The following PHC2 variants were observed in gnomAD, a reference collection of about 807,000 sequenced individuals.
The protein encoded by PHC2 is polyhomeotic-like protein 2.
PHC2 carries 29 observed loss-of-function variants against 87.4 expected under a neutral mutation model. The observed-to-expected ratio is 0.33, with a 90% CI of 0.25 to 0.45. The LOEUF (loss-of-function observed/expected upper bound fraction) is 0.45, where lower values mean the gene tolerates loss of function less well. Ranked by LOEUF, PHC2 falls within the 20% of genes least tolerant of loss-of-function variation. The pLI is 1.00. For missense variants in PHC2, 857 were observed against 1,136.7 expected, an observed-to-expected ratio of 0.75 and a Z score of 3.54; for synonymous variants, 438 against 461.7, an observed-to-expected ratio of 0.95 and a Z score of 0.66.
At chr1:33,351,780 T>G (rs1419576842) in intron 9 of PHC2, among the ~76,000 whole-genome samples, 2 of 151,886 alleles carry the variant, frequency 1.3e-5, no homozygotes, top group East Asian at 3.9e-4. Flanking sequence ...GGCGAAACCC[T>G]GTCTCTACTA....
intron 9 of PHC2, chr1:33,347,844 G>A (rs1464904360): frequency 5.7e-6 from 3 of 530,240 alleles, no homozygotes; most frequent in African/African-American, 2.1e-5. Context: ...AAACAAGCCC[G>A]CCCTTGTGAG....
intron 9 of PHC2, among the ~76,000 whole-genome samples, chr1:33,351,951 CAA>C (rs10718909): frequency 1.7e-3 from 151 of 87,422 alleles, no homozygotes; most frequent in Middle Eastern, 6.3e-3. Context: ...GAATGCATCT[CAA>C]AAAAAAAAAA....
intron 1 of PHC2, among the ~76,000 whole-genome samples, chr1:33,404,635 G>A (rs1649678488): frequency 6.6e-6 from 1 of 152,102 alleles, no homozygotes; most frequent in South Asian, 2.1e-4. Context: ...CTCTGTGACT[G>A]AATCAGAAGA....
chr1:33,362,334 C>T (rs181016760), intron 7 of PHC2, among the ~76,000 whole-genome samples: 2 of 152,246 alleles, frequency 1.3e-5, no homozygotes, highest in East Asian at 1.9e-4. Context: ...AGGAGGACCT[C>T]GCAATTGTGG....
At position 33,368,547 on chromosome 1, in the gene PHC2, T is replaced by TG; in HGVS notation, c.651dup (p.Thr218HisfsTer42). The stretch of plus-strand genomic sequence containing the variant: ...CATGGAGTCCTCACCTGGGCGGGGG[T>TG]GGGGGGCCGGGCGGGGGAGCCAGTG... On this transcript the variant is annotated frameshift_variant, in exon 6 of 15. Coordinates refer to ENST00000683057, the MANE Select transcript of PHC2 (RefSeq NM_001385109.1). LOFTEE classifies it high-confidence loss of function. The surrounding 1 kb of genome is among the most constrained non-coding windows in gnomAD (Gnocchi z 6.6). 5 of 1,509,450 alleles carry TG rather than the reference T, an allele frequency of 3.3e-6. No homozygotes were observed. The highest frequency in any genetic ancestry group is 4.5e-6 in the Non-Finnish European group (5 of 1,115,832). The allele number at this position is 1,509,450 out of a possible 1,614,324, so 93.5% of individuals were successfully genotyped here.
chr1:33,430,627 T>C (rs1233904319), intron 1 of PHC2, among the ~76,000 whole-genome samples: 3 of 151,920 alleles, frequency 2.0e-5, no homozygotes, highest in African/African-American at 7.2e-5. Flanking sequence ...CCTTGGCCCG[T>C]TCCCGTTCCG....
chr1:33,351,779 C>A (rs549584583), intron 9 of PHC2, among the ~76,000 whole-genome samples: 1 of 152,084 alleles, frequency 6.6e-6, no homozygotes, highest in African/African-American at 2.4e-5. Context: ...TGGCGAAACC[C>A]TGTCTCTACT....
chr1:33,405,448 C>G (rs964457324), intron 1 of PHC2, among the ~76,000 whole-genome samples: 3 of 152,144 alleles, frequency 2.0e-5, no homozygotes, highest in African/African-American at 7.2e-5. Context: ...ACCTCAGCTT[C>G]CCAAAGCGCT....
intron 1 of PHC2, among the ~76,000 whole-genome samples, chr1:33,386,844 CAT>C (rs1053176613): frequency 1.3e-5 from 2 of 152,184 alleles, no homozygotes; most frequent in Admixed American, 6.5e-5. Context: ...ACACACAGCA[CAT>C]ACACAAAGTG....
chr1:33,378,648 T>C (rs1291341914), intron 1 of PHC2, among the ~76,000 whole-genome samples: 1 of 152,170 alleles, frequency 6.6e-6, no homozygotes, highest in African/African-American at 2.4e-5. Flanking sequence ...ACACTTAAAA[T>C]CTAGTCATAT....
intron 1 of PHC2, among the ~76,000 whole-genome samples, chr1:33,403,112 C>T (rs978138643): frequency 2.8e-5 from 4 of 144,968 alleles, no homozygotes; most frequent in Non-Finnish European, 4.5e-5. Context: ...TGAGCCACTG[C>T]GCCCGGCCCA....
At chr1:33,353,082 G>C (rs1445204470) in intron 9 of PHC2, 1 of 152,210 alleles carries the variant, frequency 6.6e-6, no homozygotes, top group African/African-American at 2.4e-5. Context: ...GAATTAATGT[G>C]CTCAATTTTG....
Position 33,324,824 on chromosome 1 carries a change from G to T in PHC2, c.*41C>A. 6.3e-7 allele frequency: 1 copy of T among 1,586,506 alleles called. No homozygotes were observed. ...ATGTCTGTCTGGCTCTGCTCAGTCG[G>T]GAGGAGGCGCCCTGGGCCAGAATCC... On this transcript the variant is annotated 3_prime_UTR_variant, in exon 15 of 15. Coordinates refer to ENST00000683057, the MANE Select transcript of PHC2 (RefSeq NM_001385109.1).
chr1:33,383,403 A>G (rs954168217), intron 1 of PHC2, among the ~76,000 whole-genome samples: 7 of 152,260 alleles, frequency 4.6e-5, no homozygotes, highest in African/African-American at 1.7e-4. Flanking sequence ...AGCTGGTCAT[A>G]TAGTCCTAGC....
At chr1:33,408,048 G>GTTTTTTTTA (rs1649833954) in intron 1 of PHC2, among the ~76,000 whole-genome samples, 3 of 152,090 alleles carry the variant, frequency 2.0e-5, no homozygotes, top group African/African-American at 7.2e-5. Flanking sequence ...CTAGATTTTG[G>GTTTTTTTTA]CCCAAGCCTA....
intron 1 of PHC2, among the ~76,000 whole-genome samples, chr1:33,416,157 C>A (rs1028483768): frequency 1.2e-4 from 18 of 152,096 alleles, no homozygotes; most frequent in African/African-American, 4.3e-4. Context: ...TAAATCCAAG[C>A]ATAATATACA....
chr1:33,365,431 G>A (rs746586905), intron 7 of PHC2, among the ~76,000 whole-genome samples: 7 of 152,232 alleles, frequency 4.6e-5, no homozygotes, highest in Middle Eastern at 3.4e-3. Flanking sequence ...GTTACATTTC[G>A]GCCTGGGCTG....
chr1:33,417,681 T>TG (rs757907844), intron 1 of PHC2, among the ~76,000 whole-genome samples: 4 of 152,088 alleles, frequency 2.6e-5, no homozygotes, highest in Non-Finnish European at 5.9e-5. Flanking sequence ...CCATTATAGT[T>TG]GGAGACTTCA....
Position 33,367,112 on chromosome 1 carries a change from T to G in PHC2, c.976+4A>C, listed in dbSNP as rs778145371. On this transcript the variant is annotated splice_donor_region_variant and intron_variant, in intron 7 of 14. Transcript: ENST00000683057. Reference sequence around the variant, plus strand: ...AAAGGATTCCTGCTTCCTGAAGACCTTACCTGGTGCAATGAGGGGGTGGGC... The same window carrying G: ...AAAGGATTCCTGCTTCCTGAAGACCGTACCTGGTGCAATGAGGGGGTGGGC... 8.1e-6 allele frequency: 13 copies of G among 1,600,076 alleles called. No individual in the cohort carries two copies. The highest frequency in any genetic ancestry group is 1.1e-5 in the Non-Finnish European group (13 of 1,170,228).
Sources: allele counts gnomAD v4.1 joint callset (sites outside exome capture counted in the v4.1 genomes callset), GRCh38; gene constraint gnomAD v4.1.1; non-coding constraint Gnocchi (gnomAD v3.1); transcripts MANE v1.5; gene names NCBI Gene and HGNC (gene_info 2026-07-23, HGNC 2026-07-21).